The following UMOD variants were observed in gnomAD, a reference collection of about 807,000 sequenced individuals.
UMOD encodes Tamm-Horsfall urinary glycoprotein.
UMOD carries 64 observed loss-of-function variants against 66.0 expected under a neutral mutation model. The ratio of observed to expected loss-of-function variants is 0.97; its 90% CI spans 0.79 to 1.19. The LOEUF (loss-of-function observed/expected upper bound fraction) is 1.19, where lower values mean the gene tolerates loss of function less well. UMOD is among the 50% of genes most tolerant of loss of function. The probability of loss-of-function intolerance (pLI) is 0.00; values close to 1 mark genes in which losing one functional copy is unlikely to be tolerated. For missense variants in UMOD, 764 were observed against 850.9 expected (o/e 0.90, Z 1.27); for synonymous variants, 398 against 352.7 (o/e 1.13, Z -1.44).
chr16:20,338,075 C>T (rs553704606), intron 7 of UMOD, among the ~76,000 whole-genome samples: 1 of 152,208 alleles, frequency 6.6e-6, no homozygotes, highest in South Asian at 2.1e-4. Flanking sequence ...AAGTTGATTT[C>T]GGAGGGAGGC....
intron 1 of UMOD, among the ~76,000 whole-genome samples, chr16:20,352,233 C>G (rs1965936081): frequency 6.6e-6 from 1 of 151,978 alleles, no homozygotes; most frequent in Non-Finnish European, 1.5e-5. Flanking sequence ...TAACTGCTTG[C>G]CTCAAATTTG....
intron 2 of UMOD, 127 bp from the exon 3 acceptor site, chr16:20,349,339 A>T: frequency 9.4e-7 from 1 of 1,069,184 alleles, no homozygotes; most frequent in Non-Finnish European, 1.4e-6. Flanking sequence ...TCCCTCCAAA[A>T]CAAGGAAAGA....
At chr16:20,349,486 C>T (rs1456857644) in intron 2 of UMOD, among the ~76,000 whole-genome samples, 1 of 152,112 alleles carries the variant, frequency 6.6e-6, no homozygotes, top group African/African-American at 2.4e-5. Flanking sequence ...TGCAGTAGTG[C>T]GATCATAGCT....
In UMOD at chr16:20,337,443, T is replaced by C; in HGVS notation, c.1588A>G (p.Thr530Ala). The C allele has an allele frequency of 6.2e-7, 1 of 1,614,172 alleles. No homozygotes were observed. Among genetic ancestry groups the C allele is most frequent in the Non-Finnish European group, 8.5e-7 (1 of 1,180,034 alleles). ...YFIIQDRCPHTRDSTIQVVEN... is the reference protein window; with the variant it reads ...YFIIQDRCPHARDSTIQVVEN... ...ACCACTTGGATAGTTGAGTCTCTAG[T>C]GTGTGGGCATCTGGGAGGGTTACAC... The change falls in exon 8 of 11, where the codon ACT becomes GCT. Residue 530 changes from threonine (T) to alanine (A), a missense_variant. Thr to Ala is a moderately conservative substitution (Grantham distance 58). Transcript: ENST00000396138.
intron 4 of UMOD, among the ~76,000 whole-genome samples, chr16:20,346,768 A>G (rs1468405829): frequency 2.0e-5 from 3 of 152,130 alleles, no homozygotes; most frequent in Non-Finnish European, 4.4e-5. Flanking sequence ...CATCTCCCAC[A>G]GTAGTAATAG....
At chr16:20,354,500 A>T (rs569290296), upstream of UMOD, among the ~76,000 whole-genome samples, 2 of 152,336 alleles carry the variant, frequency 1.3e-5, no homozygotes, top group East Asian at 1.9e-4. Flanking sequence ...TTCTTTGATG[A>T]AAAGGGAAGT....
Position 20,333,221 on chromosome 16 carries a change from C to A in UMOD, c.*93G>T, listed in dbSNP as rs757722411. ...GCAGGCTGAACAAAGCATGAACTTT[C>A]TTTTCTGTGGCTGGAGCACTGGCCC... On this transcript the variant is annotated 3_prime_UTR_variant, in exon 11 of 11. Transcript: ENST00000396138. 98 of 1,334,278 alleles carry A rather than the reference C, an allele frequency of 7.3e-5. No homozygotes were observed. Among genetic ancestry groups the A allele is most frequent in the Non-Finnish European group, 9.7e-5 (92 of 944,224 alleles). 82.7% of individuals were successfully genotyped at this position (1,334,278 alleles called of 1,614,324 possible).
Position 20,336,567 on chromosome 16 carries a change from G to A in UMOD, c.1822+79C>T. 10 of 1,386,722 alleles carry A rather than the reference G, an allele frequency of 7.2e-6. No homozygotes were observed. In the South Asian group the frequency reaches 1.2e-4, roughly 16 times the overall value. The allele number at this position is 1,386,722 out of a possible 1,614,324, so 85.9% of individuals were successfully genotyped here. On this transcript the variant is annotated intron_variant, in intron 9 of 10. Coordinates refer to ENST00000396138, the MANE Select transcript of UMOD (RefSeq NM_003361.4). ...CTTCAGAGCTCAGTAAGGTGCCAAG[G>A]TGCCAGGCTCTGTTATCCCTCTTCC...
chr16:20,346,539 A>C (rs1464524972), intron 4 of UMOD, among the ~76,000 whole-genome samples: 1 of 152,202 alleles, frequency 6.6e-6, no homozygotes, highest in Non-Finnish European at 1.5e-5. Flanking sequence ...CCAACCACTC[A>C]GTCTTGGGTT....
Position 20,352,018 on chromosome 16 carries a change from C to T in UMOD, c.-103+671G>A, listed in dbSNP as rs187444160. Among the ~76,000 whole-genome samples, 60 of 141,470 alleles carry T rather than the reference C, an allele frequency of 4.2e-4. 2 individuals are homozygous for T. Among genetic ancestry groups the T allele is most frequent in the Non-Finnish European group, 5.4e-4 (36 of 66,428 alleles). The allele number at this position is 141,470 out of a possible 152,430, so 92.8% of individuals were successfully genotyped here. A position where few individuals can be genotyped will look rare whatever the true frequency, so the allele number is the denominator to read the frequency against. On this transcript the variant is annotated intron_variant, in intron 1 of 10. Transcript: ENST00000396138. The stretch of plus-strand genomic sequence containing the variant: ...GGGTGACAGAGAGTCCATCCCCCCC[C>T]CCCAAAAAAAAAAAGACAGAAAGAA...
At chr16:20,335,147 A>C (rs1047340879) in intron 10 of UMOD, among the ~76,000 whole-genome samples, 1 of 152,110 alleles carries the variant, frequency 6.6e-6, no homozygotes, top group African/African-American at 2.4e-5. Context: ...TATTGAATGA[A>C]TCTAGAAAAA....
chr16:20,348,226 T>C lies in UMOD; in HGVS notation c.970A>G (p.Thr324Ala), dbSNP rs752403214. ...GCTTCCTCCCCACTGGCCTCACCAGTGATGTTGAAGTCCTGTTTGCACTGG... is the reference window on the plus strand; with the variant it reads ...GCTTCCTCCCCACTGGCCTCACCAGCGATGTTGAAGTCCTGTTTGCACTGG... ...HCQCKQDFNI[T>A]DISLLEHRLE... Residue 324 changes from threonine (T) to alanine (A), a missense_variant, in exon 4 of 11, where the codon ACT (threonine) becomes GCT (alanine). Thr to Ala is a moderately conservative substitution (Grantham distance 58). Coordinates refer to ENST00000396138, the MANE Select transcript of UMOD (RefSeq NM_003361.4). 2.7e-5 allele frequency: 44 copies of C among 1,613,886 alleles called. No individual in the cohort carries two copies. The highest frequency in any genetic ancestry group is 3.7e-5 in the Non-Finnish European group (44 of 1,179,928).
chr16:20,339,977 C>T (rs1965096283), intron 7 of UMOD, among the ~76,000 whole-genome samples: 1 of 152,062 alleles, frequency 6.6e-6, no homozygotes, highest in Non-Finnish European at 1.5e-5. Flanking sequence ...TTTCAATTGG[C>T]CCTTGGCTAA....
chr16:20,343,135 A>C lies in UMOD; in HGVS notation c.1331+889T>G, dbSNP rs187598951. Among the ~76,000 whole-genome samples the C allele has an allele frequency of 1.5e-3, 234 of 151,946 alleles. 3 individuals are homozygous for C. Among genetic ancestry groups the C allele is most frequent in the East Asian group, 0.012 (60 of 5,188 alleles). On this transcript the variant is annotated intron_variant, in intron 6 of 10. Transcript: ENST00000396138. ...ACAGTACGAGACTCCGTCTCAATAA[A>C]TAAATAAATAAATAAATAAATAATC... is the stretch of plus-strand genomic sequence containing the variant.
intron 7 of UMOD, among the ~76,000 whole-genome samples, chr16:20,340,673 G>A (rs759121108): frequency 3.3e-5 from 5 of 151,900 alleles, no homozygotes; most frequent in Non-Finnish European, 7.4e-5. Context: ...GAATGCTAAG[G>A]TTCAGCTAAA....
Position 20,350,732 on chromosome 16 carries a change from C to T in UMOD, c.6G>A (p.Gly2=), listed in dbSNP as rs772156286. Residue 2 remains glycine, a synonymous_variant, in exon 2 of 11, where the codon GGG becomes GGA. Coordinates refer to ENST00000396138, the MANE Select transcript of UMOD (RefSeq NM_003361.4). The part of the protein sequence containing the change: M[G]QPSLTWMLMV... ...TCAGCATCCAAGTCAGAGATGGCTG[C>T]CCCATCCTTTCTGCTCTTCCCGCTA... is the stretch of plus-strand genomic sequence containing the variant. 9 of 1,614,056 alleles carry T rather than the reference C, an allele frequency of 5.6e-6. No homozygotes were observed. In the Admixed American group the frequency reaches 8.3e-5, roughly 15 times the overall value.
intron 7 of UMOD, among the ~76,000 whole-genome samples, chr16:20,340,819 C>A (rs1451226285): frequency 6.6e-6 from 1 of 151,890 alleles, no homozygotes; most frequent in African/African-American, 2.4e-5. Context: ...CATGGTGAAA[C>A]CCCATCTCTA....
intron 6 of UMOD, chr16:20,342,517 C>G (rs540723017): frequency 1.1e-4 from 17 of 152,380 alleles, no homozygotes; most frequent in African/African-American, 4.1e-4. Context: ...GTCAGCTGTG[C>G]ACCCTCATCA....
In UMOD at chr16:20,350,852, A is replaced by T; in HGVS notation, c.-102-13T>A. ...GATGTCTGGTGTCCTGTGAACAGAG[A>T]TGGATGGGACAAATGCATGATCTAA... On this transcript the variant is annotated splice_polypyrimidine_tract_variant and intron_variant, in intron 1 of 10. Transcript: ENST00000396138. The T allele has an allele frequency of 6.4e-7, 1 of 1,553,826 alleles. No individual in the cohort carries two copies. The highest frequency in any genetic ancestry group is 8.7e-7 in the Non-Finnish European group (1 of 1,151,316).
Sources: gnomAD v4.1 joint callset for allele counts (sites outside exome capture counted in the v4.1 genomes callset) on GRCh38, gnomAD v4.1.1 for gene constraint, MANE v1.5 for transcripts, NCBI Gene and HGNC (gene_info 2026-07-23, HGNC 2026-07-21) for gene names.